The following AK7 variants were observed in gnomAD, a reference collection of about 807,000 sequenced individuals.
AK7 encodes adenylate kinase 7.
In AK7, 78 loss-of-function variants were observed where a neutral mutation model predicts 96.6. The observed-to-expected ratio is 0.81, with a 90% CI of 0.67 to 0.97. The LOEUF is 0.97. AK7 is among the 50% of genes least tolerant of loss of function. The pLI, the probability that AK7 is intolerant of heterozygous loss-of-function variation, is 0.00. For missense variants in AK7, 855 were observed against 887.9 expected (o/e 0.96, Z 0.47); for synonymous variants, 302 against 317.2 (o/e 0.95, Z 0.51).
At chr14:96,420,205 T>C (rs989020617) in intron 4 of AK7, among the ~76,000 whole-genome samples, 25 of 151,378 alleles carry the variant, frequency 1.7e-4, no homozygotes, top group Admixed American at 1.1e-3. Flanking sequence ...ACTATTCAAA[T>C]AAGTGGTATG....
intron 8 of AK7, 36 bp downstream of exon 8, chr14:96,446,643 C>A (rs772980346): frequency 6.9e-6 from 11 of 1,594,024 alleles, no homozygotes; most frequent in Middle Eastern, 3.3e-4. Flanking sequence ...GATGACATAT[C>A]GTAAATAGTT....
At position 96,399,804 on chromosome 14, in the gene AK7, C is replaced by T. The variant is rs149884976; in HGVS notation, c.294+1541C>T. On this transcript the variant is annotated intron_variant, in intron 2 of 17. Transcript: ENST00000267584. The surrounding 1 kb of genome is among the most constrained non-coding windows in gnomAD (Gnocchi z 4.1). ...CTCTGGCTCCTTTTCCTCTTTTACC[C>T]TTTAAATGCGGTTTTCCCCAGAGCT... Among the ~76,000 whole-genome samples, 1,057 of 152,242 alleles carry T rather than the reference C, an allele frequency of 6.9e-3. 4 individuals are homozygous for T. Among genetic ancestry groups the T allele is most frequent in the South Asian group, 0.018 (86 of 4,814 alleles).
chr14:96,457,982 A>C (rs1428069510), intron 11 of AK7, 101 bp from the exon 12 acceptor site: 1 of 1,536,098 alleles, frequency 6.5e-7, no homozygotes, highest in East Asian at 2.3e-5. Context: ...TACCTGTCCT[A>C]TTTGGATCCC....
intron 3 of AK7, among the ~76,000 whole-genome samples, chr14:96,406,042 C>A (rs1023137168): frequency 7.2e-5 from 10 of 139,368 alleles, no homozygotes; most frequent in African/African-American, 1.9e-4. Flanking sequence ...TTTCATGTCC[C>A]CCCAAAGCAA....
At chr14:96,412,673 C>A (rs1891107843) in intron 4 of AK7, among the ~76,000 whole-genome samples, 1 of 151,650 alleles carries the variant, frequency 6.6e-6, no homozygotes, top group South Asian at 2.1e-4. Flanking sequence ...TCAAGTGATT[C>A]TCCTGCCTCA....
chr14:96,478,803 G>T, intron 15 of AK7, 141 bp downstream of exon 15: 1 of 773,056 alleles, frequency 1.3e-6, no homozygotes, highest in South Asian at 1.7e-5. Flanking sequence ...GAAATACACA[G>T]GGCACTCCTC....
At chr14:96,420,694 A>G in intron 4 of AK7, 128 bp from the exon 5 acceptor site, 1 of 676,514 alleles carries the variant, frequency 1.5e-6, no homozygotes, top group Non-Finnish European at 2.4e-6. Context: ...CCCTGTCTCA[A>G]AAATAAAAAA....
At chr14:96,482,977 A>G (rs1566814761) in intron 15 of AK7, 22 bp from the exon 16 acceptor site, 1 of 1,611,976 alleles carries the variant, frequency 6.2e-7, no homozygotes, top group Non-Finnish European at 8.5e-7. Flanking sequence ...GTATGTGTTG[A>G]TCTCTCTCCT....
intron 2 of AK7, among the ~76,000 whole-genome samples, chr14:96,400,935 A>G (rs2139986745): frequency 6.6e-6 from 1 of 152,332 alleles, no homozygotes; most frequent in Admixed American, 6.5e-5. Flanking sequence ...TATCCCGTTC[A>G]TTATGCACTC....
At chr14:96,457,594 G>A (rs1894004279) in intron 11 of AK7, among the ~76,000 whole-genome samples, 1 of 152,030 alleles carries the variant, frequency 6.6e-6, no homozygotes, top group Admixed American at 6.6e-5. Context: ...TCCAGCTGTG[G>A]TTCAAAGTAT....
chr14:96,392,599 C>T (rs540490757), intron 1 of AK7, among the ~76,000 whole-genome samples: 26 of 152,334 alleles, frequency 1.7e-4, no homozygotes, highest in African/African-American at 6.0e-4. Context: ...AGGTCTCTTG[C>T]CCCCTCCTAG....
intron 5 of AK7, chr14:96,424,004 C>A: frequency 1.2e-6 from 1 of 817,750 alleles, no homozygotes. Context: ...CTTGGAGCAT[C>A]CGGGTCTGTC....
intron 8 of AK7, among the ~76,000 whole-genome samples, 163 bp downstream of exon 8, chr14:96,446,770 A>G (rs763610850): frequency 5.3e-5 from 8 of 152,032 alleles, no homozygotes; most frequent in Non-Finnish European, 7.4e-5. Flanking sequence ...ATGAAACCCC[A>G]TCTCTACTAA....
chr14:96,392,998 C>A (rs1889846458), intron 1 of AK7, among the ~76,000 whole-genome samples: 2 of 152,192 alleles, frequency 1.3e-5, no homozygotes, highest in South Asian at 4.2e-4. Flanking sequence ...GCCCATGAAG[C>A]GTTTTTCATT....
At chr14:96,405,851 A>G (rs901192049) in intron 3 of AK7, among the ~76,000 whole-genome samples, 5 of 152,188 alleles carry the variant, frequency 3.3e-5, no homozygotes, top group Non-Finnish European at 5.9e-5. Flanking sequence ...AGTCTAAGAG[A>G]ATGAAGTGGT....
intron 1 of AK7, among the ~76,000 whole-genome samples, chr14:96,395,069 C>T (rs190094069): frequency 1.8e-4 from 27 of 152,296 alleles, no homozygotes; most frequent in African/African-American, 4.1e-4. Flanking sequence ...TCATTAACGT[C>T]GGCCAGGCTG....
intron 6 of AK7, among the ~76,000 whole-genome samples, chr14:96,439,552 T>C (rs568876751): frequency 6.6e-6 from 1 of 151,590 alleles, no homozygotes; most frequent in South Asian, 2.1e-4. Context: ...TGGTCCCAGC[T>C]ACTCGTTAGG....
intron 16 of AK7, among the ~76,000 whole-genome samples, chr14:96,484,464 G>C (rs952292531): frequency 6.6e-6 from 1 of 152,048 alleles, no homozygotes; most frequent in Non-Finnish European, 1.5e-5. Context: ...CTCCTCACAG[G>C]CTCTCAATTA....
chr14:96,410,738 C>A (rs1227129731), intron 4 of AK7, among the ~76,000 whole-genome samples: 1 of 152,168 alleles, frequency 6.6e-6, no homozygotes, highest in Non-Finnish European at 1.5e-5. Flanking sequence ...TGTAGTGGTG[C>A]TTGCCTATAA....
Sources: allele counts gnomAD v4.1 joint callset (sites outside exome capture counted in the v4.1 genomes callset), GRCh38; gene constraint gnomAD v4.1.1; non-coding constraint Gnocchi (gnomAD v3.1); transcripts MANE v1.5; gene names NCBI Gene and HGNC (gene_info 2026-07-23, HGNC 2026-07-21).